The following SLA variants were observed in gnomAD, a reference collection of about 807,000 sequenced individuals.
The protein encoded by SLA is src-like-adapter.
A neutral mutation model predicts 30.3 loss-of-function variants in SLA; 16 were observed. The observed-to-expected ratio is 0.53, with a 90% CI of 0.36 to 0.80. The LOEUF (loss-of-function observed/expected upper bound fraction) is 0.80. Ranked by LOEUF, SLA falls within the 30% of genes least tolerant of loss-of-function variation. SLA has a pLI of 0.01. For missense variants in SLA, 310 were observed against 345.2 expected (o/e 0.90, Z 0.81); for synonymous variants, 143 against 137.8 (o/e 1.04, Z -0.26).
intron 7 of SLA, among the ~76,000 whole-genome samples, chr8:133,041,985 C>T (rs2741190): frequency 0.55 from 83,252 of 151,246 alleles, 23,883 homozygotes; most frequent in African/African-American, 0.7. Flanking sequence ...GATGGAGTTT[C>T]ACCATGTTGG....
rs375750625 is a variant in SLA, at chr8:133,040,032, G to A, written c.583C>T (p.Arg195Cys). The A allele has an allele frequency of 1.2e-5, 19 of 1,551,740 alleles. No individual in the cohort carries two copies. The highest frequency in any genetic ancestry group is 2.7e-5 in the African/African-American group (2 of 73,000). ...CTCCTCCAGTCCACAGTCTTCTGAC[G>A]CAAGGTGACAGGTGAGCTGGAGGCC... ...VRASSSPVTL[R>C]QKTVDWRRVS... The change falls in exon 8 of 9, where the codon CGT becomes TGT. Residue 195 changes from arginine to cysteine, a missense_variant. Arg to Cys is a radical substitution (Grantham distance 180, BLOSUM62 -3). Coordinates refer to ENST00000338087, the MANE Select transcript of SLA (RefSeq NM_001045556.3).
At chr8:133,092,898 C>T (rs1268688535) in intron 1 of SLA, among the ~76,000 whole-genome samples, 1 of 152,214 alleles carries the variant, frequency 6.6e-6, no homozygotes, top group Non-Finnish European at 1.5e-5. Flanking sequence ...AAGAAACATT[C>T]TCTTAGCCAT....
At chr8:133,082,971 G>C (rs763049784) in intron 1 of SLA, among the ~76,000 whole-genome samples, 2 of 152,158 alleles carry the variant, frequency 1.3e-5, no homozygotes, top group Non-Finnish European at 2.9e-5. Context: ...ATCTGTCAGC[G>C]CCTGCTTCCA....
chr8:133,097,374 T>C (rs746491706), intron 1 of SLA, among the ~76,000 whole-genome samples: 3 of 152,214 alleles, frequency 2.0e-5, no homozygotes, highest in Admixed American at 1.3e-4. Context: ...TATTGATTGA[T>C]TGTGGCATTG....
chr8:133,063,160 C>G (rs1842617078), intron 2 of SLA, among the ~76,000 whole-genome samples: 1 of 151,212 alleles, frequency 6.6e-6, no homozygotes, highest in Non-Finnish European at 1.5e-5. Context: ...CCCAACAATG[C>G]CTTCCTGTCC....
chr8:133,039,310 G>A (rs752813080), intron 8 of SLA, among the ~76,000 whole-genome samples: 5 of 152,074 alleles, frequency 3.3e-5, no homozygotes, highest in Admixed American at 6.6e-5. Context: ...CACTTAACCC[G>A]TCTGAACTGC....
intron 1 of SLA, among the ~76,000 whole-genome samples, chr8:133,086,829 T>C (rs185795511): frequency 2.0e-3 from 298 of 152,314 alleles, no homozygotes; most frequent in Non-Finnish European, 3.2e-3. Context: ...AATCAAACAG[T>C]TGCAAATCAG....
At chr8:133,065,518 T>G (rs1465342746) in intron 2 of SLA, among the ~76,000 whole-genome samples, 2 of 152,142 alleles carry the variant, frequency 1.3e-5, no homozygotes, top group African/African-American at 4.8e-5. Context: ...TCCTAGCACT[T>G]TGGGAAGCTG....
intron 2 of SLA, among the ~76,000 whole-genome samples, chr8:133,074,501 G>A (rs986294968): frequency 1.3e-5 from 2 of 152,204 alleles, no homozygotes; most frequent in Non-Finnish European, 2.9e-5. Context: ...GTCTGGAGAG[G>A]TTTAAATGAG....
rs964750050 is a variant in SLA at position 133,037,826 on chromosome 8, C to T, written c.*698G>A. 4 of 152,362 alleles carry T rather than the reference C, an allele frequency of 2.6e-5. No individual in the cohort carries two copies. The highest frequency in any genetic ancestry group is 2.1e-4 in the South Asian group (1 of 4,826). 9.4% of individuals were successfully genotyped at this position (152,362 alleles called of 1,614,324 possible). A position where few individuals can be genotyped will look rare whatever the true frequency, so the allele number is the denominator to read the frequency against. ...TGGTGCAGTTCTAGTCTCGCCTCCT[C>T]GATTTCCCTGCCAGCAGTCTTCCTC... is the stretch of plus-strand genomic sequence containing the variant. On this transcript the variant is annotated 3_prime_UTR_variant, in exon 9 of 9. Transcript: ENST00000338087.
rs116726914 is a variant in SLA at position 133,096,303 on chromosome 8, G to A, written c.-319+6250C>T. 7.1e-5 allele frequency: 115 copies of A among 1,614,140 alleles called. No homozygotes were observed. The African/African-American group carries it at 1.2e-3, about 17-fold the overall frequency. ...GCCAGAGCACTGAAGAGGTCTTTAT[G>A]GGTAGAGGTCGATCTGCTCATTGGG... is the stretch of plus-strand genomic sequence containing the variant. On this transcript the variant is annotated intron_variant, in intron 1 of 8. Coordinates refer to ENST00000338087, the MANE Select transcript of SLA (RefSeq NM_001045556.3).
At chr8:133,063,349 C>G (rs1437731951) in intron 2 of SLA, among the ~76,000 whole-genome samples, 1 of 151,624 alleles carries the variant, frequency 6.6e-6, no homozygotes, top group Non-Finnish European at 1.5e-5. Context: ...TGTCTGATCT[C>G]TCCCCTCCTT....
intron 2 of SLA, among the ~76,000 whole-genome samples, chr8:133,068,886 G>A (rs534008123): frequency 5.2e-5 from 8 of 152,382 alleles, no homozygotes; most frequent in Admixed American, 5.2e-4. Flanking sequence ...GGCTCTGTTG[G>A]ACCAGAACAA....
At chr8:133,055,176 G>C (rs777499786) in intron 3 of SLA, among the ~76,000 whole-genome samples, 14 of 152,276 alleles carry the variant, frequency 9.2e-5, no homozygotes, top group Admixed American at 1.3e-4. Flanking sequence ...GACAAAGGCA[G>C]ACTCCAGGTA....
chr8:133,096,502 G>A, intron 1 of SLA: 1 of 1,137,378 alleles, frequency 8.8e-7, no homozygotes, highest in Non-Finnish European at 1.3e-6. Flanking sequence ...GCCTATGTGA[G>A]TTTAGGAGGT....
chr8:133,090,017 G>T (rs575886464), intron 1 of SLA: 1 of 152,290 alleles, frequency 6.6e-6, no homozygotes, highest in South Asian at 2.1e-4. Context: ...TCATCTGGAG[G>T]TCACCAGTAC....
chr8:133,057,997 T>C (rs567045153), intron 3 of SLA, among the ~76,000 whole-genome samples: 1 of 152,110 alleles, frequency 6.6e-6, no homozygotes, highest in East Asian at 1.9e-4. Context: ...TAATTGCACA[T>C]TGGCCTAAAG....
rs1212414679 is a variant in SLA, at chr8:133,049,885, T to C, written c.248+17A>G. 6.6e-7 allele frequency: 1 copy of C among 1,526,358 alleles called. No individual in the cohort carries two copies. Among genetic ancestry groups the C allele is most frequent in the Non-Finnish European group, 9.1e-7 (1 of 1,099,810 alleles). 94.6% of individuals were successfully genotyped at this position (1,526,358 alleles called of 1,614,324 possible). A position where few individuals can be genotyped will look rare whatever the true frequency, so the allele number is the denominator to read the frequency against. On this transcript the variant is annotated intron_variant, in intron 5 of 8. Transcript: ENST00000338087. The stretch of plus-strand genomic sequence containing the variant: ...ACGCATCATGCTTAATTGCTGCCAT[T>C]TGAGAAATGTACTCACCCATGGTAA...
At chr8:133,049,713 C>A in intron 5 of SLA, 189 bp downstream of exon 5, 1 of 584,610 alleles carries the variant, frequency 1.7e-6, no homozygotes, top group Non-Finnish European at 3.1e-6. Flanking sequence ...GAAGTTGAGT[C>A]CCAGAGAGCA....
Sources: allele counts gnomAD v4.1 joint callset (sites outside exome capture counted in the v4.1 genomes callset), GRCh38; gene constraint gnomAD v4.1.1; transcripts MANE v1.5; gene names NCBI Gene and HGNC (gene_info 2026-07-23, HGNC 2026-07-21).